IL1R2: variants seen among roughly 807,000 people sequenced by gnomAD.
IL1R2 encodes the protein interleukin 1 receptor type 2, also known as interleukin-1 receptor type 2.
Under a neutral mutation model 39.5 loss-of-function variants are expected in IL1R2, and 46 were observed. That is an observed-to-expected ratio of 1.16 (90% CI 0.92 to 1.49). The LOEUF (loss-of-function observed/expected upper bound fraction) is 1.49, where lower values mean the gene tolerates loss of function less well. Among genes scored for constraint, IL1R2 ranks in the 40% most tolerant of loss-of-function variants. IL1R2 has a pLI of 0.00. For synonymous variants in IL1R2, 207 were observed against 189.6 expected, an observed-to-expected ratio of 1.09 and a Z score of -0.75; for missense variants, 537 against 502.0, an observed-to-expected ratio of 1.07 and a Z score of -0.67.
chr2:102,014,082 G>A (rs3218886), intron 3 of IL1R2, among the ~76,000 whole-genome samples: 1 of 152,034 alleles, frequency 6.6e-6, no homozygotes, highest in Middle Eastern at 3.2e-3. Flanking sequence ...TGCTCAAGGG[G>A]AATTACCAGA....
At chr2:102,009,137 TAACAAA>T (rs1676459442) in intron 2 of IL1R2, among the ~76,000 whole-genome samples, 1 of 152,188 alleles carries the variant, frequency 6.6e-6, no homozygotes, top group Non-Finnish European at 1.5e-5. Context: ...TGTTTGCCCT[TAACAAA>T]GTTGCCTTTG....
intron 1 of IL1R2, among the ~76,000 whole-genome samples, chr2:102,004,507 AAAAGAT>A (rs1490244070): frequency 1.3e-5 from 2 of 152,100 alleles, no homozygotes; most frequent in East Asian, 3.8e-4. Context: ...AAAAAAAAAA[AAAAGAT>A]AGAATTCTAA....
chr2:102,013,558 G>GAAAAAAAAAA (rs1676788000), intron 3 of IL1R2, among the ~76,000 whole-genome samples: 1 of 33,752 alleles, frequency 3.0e-5, no homozygotes, highest in Non-Finnish European at 5.5e-5. Flanking sequence ...AAAAAGGAAA[G>GAAAAAAAAAA]AAAGAAAAGA....
intron 8 of IL1R2, 88 bp from the exon 9 acceptor site, chr2:102,028,138 C>A: frequency 8.7e-7 from 1 of 1,149,038 alleles, no homozygotes; most frequent in Non-Finnish European, 1.2e-6. Context: ...ACTCCAATTT[C>A]TTTCTTATCT....
Position 102,009,768 on chromosome 2 carries a change from G to A in IL1R2, c.274G>A (p.Ala92Thr). ...EETRMWAQDG[A>T]LWLLPALQED... ...GACACGGATGTGGGCCCAGGACGGTGCTCTGTGGCTTCTGCCAGCCTTGCA... is the reference window on the plus strand; with the variant it reads ...GACACGGATGTGGGCCCAGGACGGTACTCTGTGGCTTCTGCCAGCCTTGCA... The change falls in exon 3 of 9, where the codon GCT (alanine) becomes ACT (threonine). Residue 92 changes from alanine (A) to threonine (T), a missense_variant. Coordinates refer to ENST00000332549, the MANE Select transcript of IL1R2 (RefSeq NM_004633.4). 3 of 1,614,232 alleles carry A rather than the reference G, an allele frequency of 1.9e-6. No homozygotes were observed. Among genetic ancestry groups the A allele is most frequent in the Non-Finnish European group, 2.5e-6 (3 of 1,180,040 alleles).
rs780634571 is a variant in IL1R2, at chr2:102,028,262, C to G, written c.1067C>G (p.Pro356Arg). 5 of 1,612,284 alleles carry G rather than the reference C, an allele frequency of 3.1e-6. No individual in the cohort carries two copies. In the South Asian group the frequency reaches 4.4e-5, roughly 14 times the overall value. ...TTCTCCTGGGGCATTGTGCTGGCCC[C>G]ACTTTCACTGGCCTTCTTGGTTTTG... ...STFSWGIVLA[P>R]LSLAFLVLGG... is the part of the protein sequence containing the mutation. The change falls in exon 9 of 9, where the codon CCA becomes CGA. Residue 356 changes from proline (P) to arginine (R), a missense_variant. By Grantham distance (103) the Pro-to-Arg change is moderately radical. Transcript: ENST00000332549.
At chr2:102,008,677 G>A (rs759453174) in intron 2 of IL1R2, 35 bp downstream of exon 2, 2 of 1,559,076 alleles carry the variant, frequency 1.3e-6, no homozygotes, top group South Asian at 2.2e-5. Context: ...AAAAAGGCTT[G>A]CCTGTAGCTT....
At chr2:102,026,464 T>G (rs1559432175) in intron 8 of IL1R2, among the ~76,000 whole-genome samples, 1 of 152,224 alleles carries the variant, frequency 6.6e-6, no homozygotes, top group Non-Finnish European at 1.5e-5. Context: ...ATGAAAAATT[T>G]AAATAGCAAG....
chr2:102,000,657 T>C (rs886335443), intron 1 of IL1R2, among the ~76,000 whole-genome samples: 3 of 152,192 alleles, frequency 2.0e-5, no homozygotes, highest in Non-Finnish European at 2.9e-5. Flanking sequence ...ATAGACTTAA[T>C]GGCTTCTGGA....
At chr2:102,024,935 T>C (rs1438681211) in intron 7 of IL1R2, 6 of 395,298 alleles carry the variant, frequency 1.5e-5, no homozygotes, top group Non-Finnish European at 2.3e-5. Context: ...TTGATCCTTT[T>C]ATTTTCGCAA....
At chr2:102,027,147 C>T (rs187972006) in intron 8 of IL1R2, among the ~76,000 whole-genome samples, 2 of 152,206 alleles carry the variant, frequency 1.3e-5, no homozygotes, top group Admixed American at 1.3e-4. Context: ...TACTCCAGAT[C>T]CACCCTGTCA....
At chr2:101,993,622 A>G (rs1311545034) in intron 1 of IL1R2, among the ~76,000 whole-genome samples, 1 of 150,284 alleles carries the variant, frequency 6.7e-6, no homozygotes, top group Non-Finnish European at 1.5e-5. Flanking sequence ...TTCTGTCTCT[A>G]CTTCTCTCTA....
chr2:102,019,756 T>C lies in IL1R2; in HGVS notation c.632T>C (p.Phe211Ser), dbSNP rs1207330165. The C allele has an allele frequency of 3.8e-5, 61 of 1,614,084 alleles. No individual in the cohort carries two copies. The highest frequency in any genetic ancestry group is 4.9e-5 in the Non-Finnish European group (58 of 1,180,022). ...GGCTATTACCGCTGTGTCCTGACAT[T>C]TGCCCATGAAGGCCAGCAATACAAC... ...DAGYYRCVLTFAHEGQQYNIT... is the reference protein window; with the variant it reads ...DAGYYRCVLTSAHEGQQYNIT... Residue 211 changes from phenylalanine (F) to serine (S), a missense_variant, in exon 5 of 9, where the codon TTT becomes TCT. Transcript: ENST00000332549.
At chr2:102,022,094 G>A in intron 5 of IL1R2, 93 bp from the exon 6 acceptor site, 1 of 1,031,404 alleles carries the variant, frequency 9.7e-7, no homozygotes, top group Non-Finnish European at 1.5e-6. Context: ...TACTGGAAAG[G>A]ATAACTTAGT....
Position 102,009,802 on chromosome 2 carries a change from C to T in IL1R2, c.308C>T (p.Ser103Phe), listed in dbSNP as rs1312235323. 3.7e-6 allele frequency: 6 copies of T among 1,614,088 alleles called. No individual in the cohort carries two copies. Among genetic ancestry groups the T allele is most frequent in the African/African-American group, 1.3e-5 (1 of 74,936 alleles). Reference sequence around the variant, plus strand: ...CTTCTGCCAGCCTTGCAGGAGGACTCTGGCACCTACGTCTGCACTACTAGG... The same window carrying T: ...CTTCTGCCAGCCTTGCAGGAGGACTTTGGCACCTACGTCTGCACTACTAGG... Reference protein sequence around the residue: ...LWLLPALQEDSGTYVCTTRNA... With the variant: ...LWLLPALQEDFGTYVCTTRNA... The change falls in exon 3 of 9, where the codon TCT (serine) becomes TTT (phenylalanine). Residue 103 changes from serine to phenylalanine, a missense_variant. Transcript: ENST00000332549.
rs138160797 is a variant in IL1R2 at position 102,028,339 on chromosome 2, G to C, written c.1144G>C (p.Gly382Arg). The change falls in exon 9 of 9, where the codon GGT becomes CGT. Residue 382 changes from glycine (G) to arginine (R), a missense_variant. Transcript: ENST00000332549. ...RCKHRTGKAD[G>R]LTVLWPHHQD... Reference sequence around the variant, plus strand: ...CAAACACAGAACTGGAAAAGCAGATGGTCTGACTGTGCTATGGCCTCATCA... The same window carrying C: ...CAAACACAGAACTGGAAAAGCAGATCGTCTGACTGTGCTATGGCCTCATCA... 71 of 1,610,198 alleles carry C rather than the reference G, an allele frequency of 4.4e-5. No homozygotes were observed. In the African/African-American group the frequency reaches 8.3e-4, roughly 19 times the overall value.
chr2:102,022,347 G>C, intron 6 of IL1R2, 98 bp downstream of exon 6: 1 of 974,088 alleles, frequency 1.0e-6, no homozygotes. Context: ...GATCATACCT[G>C]CTCCTTGGGT....
intron 1 of IL1R2, among the ~76,000 whole-genome samples, chr2:102,006,847 T>A (rs1676296970): frequency 6.6e-6 from 1 of 152,210 alleles, no homozygotes. Context: ...TCGGATGGAA[T>A]GTGAGCAGAC....
intron 5 of IL1R2, among the ~76,000 whole-genome samples, chr2:102,020,078 A>G (rs1677274174): frequency 6.6e-6 from 1 of 152,252 alleles, no homozygotes; most frequent in South Asian, 2.1e-4. Flanking sequence ...ACCACTCAAG[A>G]GAGTCAAACA....
Sources: gnomAD v4.1 joint callset for allele counts (sites outside exome capture counted in the v4.1 genomes callset) on GRCh38, gnomAD v4.1.1 for gene constraint, MANE v1.5 for transcripts, NCBI Gene and HGNC (gene_info 2026-07-23, HGNC 2026-07-21) for gene names.